C11orf65: variants seen among roughly 807,000 people sequenced by gnomAD.
C11orf65 encodes the protein protein MFI.
A neutral mutation model predicts 35.3 loss-of-function variants in C11orf65; 38 were observed. The ratio of observed to expected loss-of-function variants is 1.08; its 90% CI spans 0.83 to 1.41. The LOEUF is 1.41. Ranked by LOEUF, C11orf65 falls within the 40% of genes most tolerant of loss-of-function variation. The probability of loss-of-function intolerance (pLI) is 0.00; values close to 1 mark genes in which losing one functional copy is unlikely to be tolerated. For synonymous variants in C11orf65, 105 were observed against 114.4 expected (o/e 0.92, Z 0.53); for missense variants, 370 against 367.1 (o/e 1.01, Z -0.06).
chr11:108,431,177 CA>C (rs894137819), intron 3 of C11orf65, among the ~76,000 whole-genome samples: 24 of 141,700 alleles, frequency 1.7e-4, no homozygotes, highest in Middle Eastern at 3.6e-3. Flanking sequence ...GTAGTATAAA[CA>C]AAAAAAAAAT....
intron 2 of C11orf65, among the ~76,000 whole-genome samples, chr11:108,363,059 T>A (rs1168162894): frequency 6.6e-6 from 1 of 152,238 alleles, no homozygotes; most frequent in African/African-American, 2.4e-5. Context: ...TCCGTAAATC[T>A]GTCCGAATTT....
intron 6 of C11orf65, among the ~76,000 whole-genome samples, chr11:108,400,066 T>A (rs935885676): frequency 6.6e-6 from 1 of 152,196 alleles, no homozygotes; most frequent in Non-Finnish European, 1.5e-5. Context: ...GACCACATTG[T>A]GGATCTGCTA....
intron 2 of C11orf65, among the ~76,000 whole-genome samples, chr11:108,358,554 G>A (rs1160553412): frequency 1.6e-5 from 2 of 127,358 alleles, no homozygotes; most frequent in Non-Finnish European, 3.4e-5. Context: ...AGAAAGGTCG[G>A]GTTACCCTCA....
rs185407071 is a variant in C11orf65 at position 108,386,011 on chromosome 11, C to T, written c.732-36G>A. The T allele has an allele frequency of 1.1e-4, 178 of 1,552,138 alleles. 1 individual carries two copies. In the African/African-American group the frequency reaches 1.4e-3, roughly 12 times the overall value. ...TATATGAGGATTCATTAAATTTAATCGATTCATTAGTACATACTTAGACTA... is the reference window on the plus strand; with the variant it reads ...TATATGAGGATTCATTAAATTTAATTGATTCATTAGTACATACTTAGACTA... On this transcript the variant is annotated intron_variant, in intron 7 of 8. Coordinates refer to ENST00000393084, the MANE Select transcript of C11orf65 (RefSeq NM_152587.5).
chr11:108,319,754 C>A (rs1314387434), intron 6 of C11orf65, among the ~76,000 whole-genome samples: 1 of 151,372 alleles, frequency 6.6e-6, no homozygotes, highest in African/African-American at 2.5e-5. Context: ...GGCAGAGTAT[C>A]TGAGTAATTT....
At chr11:108,361,034 ATATC>A (rs1254886469) in intron 2 of C11orf65, among the ~76,000 whole-genome samples, 2 of 123,090 alleles carry the variant, frequency 1.6e-5, no homozygotes, top group Non-Finnish European at 3.3e-5. Context: ...ACATGATTGT[ATATC>A]TAGAAAACCC....
intron 7 of C11orf65, 126 bp downstream of exon 7, chr11:108,393,082 G>T: frequency 2.0e-6 from 2 of 1,003,870 alleles, no homozygotes; most frequent in Non-Finnish European, 2.9e-6. Flanking sequence ...ACAAATAATA[G>T]ATACTCGGGT....
chr11:108,329,054 A>G (rs2085977071), downstream of C11orf65: 1 of 1,614,136 alleles, frequency 6.2e-7, no homozygotes, highest in East Asian at 2.2e-5. Context: ...TGATGGAGAA[A>G]GTAGTGATGA....
At chr11:108,342,949 A>C (rs1363305332) in intron 2 of C11orf65, among the ~76,000 whole-genome samples, 1 of 152,210 alleles carries the variant, frequency 6.6e-6, no homozygotes, top group Non-Finnish European at 1.5e-5. Flanking sequence ...GATGACGGTG[A>C]GTATAGTTAA....
At chr11:108,336,450 CA>C (rs1444289698) in intron 2 of C11orf65, 1 of 154,954 alleles carries the variant, frequency 6.5e-6, no homozygotes, top group East Asian at 1.9e-4. Context: ...TTCTTATAGT[CA>C]ACTGAAGTAT....
At chr11:108,451,767 T>C (rs954580761) in intron 2 of C11orf65, among the ~76,000 whole-genome samples, 2 of 152,188 alleles carry the variant, frequency 1.3e-5, no homozygotes, top group African/African-American at 4.8e-5. Context: ...ACTACAAGGC[T>C]ACAGTAACCA....
intron 3 of C11orf65, among the ~76,000 whole-genome samples, chr11:108,419,205 T>A (rs764644768): frequency 1.3e-5 from 2 of 152,186 alleles, no homozygotes; most frequent in African/African-American, 2.4e-5. Flanking sequence ...GGAACACAGG[T>A]GCAAATATTT....
At chr11:108,439,044 C>T (rs1011633356) in intron 2 of C11orf65, among the ~76,000 whole-genome samples, 2 of 151,916 alleles carry the variant, frequency 1.3e-5, no homozygotes, top group African/African-American at 2.4e-5. Flanking sequence ...TCAAAGGACA[C>T]TAACAAGAGA....
At chr11:108,337,603 A>C (rs554010317) in intron 2 of C11orf65, among the ~76,000 whole-genome samples, 1 of 152,352 alleles carries the variant, frequency 6.6e-6, no homozygotes, top group South Asian at 2.1e-4. Flanking sequence ...GTCCAGGGAC[A>C]ACACTTTGAG....
At chr11:108,398,567 G>A (rs1305457103) in intron 6 of C11orf65, among the ~76,000 whole-genome samples, 1 of 152,228 alleles carries the variant, frequency 6.6e-6, no homozygotes, top group Non-Finnish European at 1.5e-5. Flanking sequence ...AATAAACACA[G>A]GAAAGAAGAA....
chr11:108,402,026 AT>A (rs1329945814), intron 6 of C11orf65, among the ~76,000 whole-genome samples: 2 of 152,176 alleles, frequency 1.3e-5, no homozygotes, highest in African/African-American at 4.8e-5. Context: ...ATTCCTGGCA[AT>A]GTAGATTAGT....
At chr11:108,330,541 C>T, downstream of C11orf65, 1 of 964,498 alleles carries the variant, frequency 1.0e-6, no homozygotes, top group Admixed American at 1.8e-5. Context: ...GTGCTCTACA[C>T]ATAAGTAGCA....
intron 2 of C11orf65, among the ~76,000 whole-genome samples, chr11:108,458,279 G>A (rs917545718): frequency 2.1e-5 from 3 of 144,864 alleles, no homozygotes; most frequent in South Asian, 2.1e-4. Context: ...GCTGAGGCAC[G>A]AGAATCACTT....
intron 2 of C11orf65, among the ~76,000 whole-genome samples, chr11:108,435,595 C>T (rs937927171): frequency 3.3e-5 from 5 of 152,100 alleles, no homozygotes; most frequent in Admixed American, 1.3e-4. Context: ...GAACCACAAC[C>T]AGCTGAAGTG....
Sources: gnomAD v4.1 joint callset for allele counts (sites outside exome capture counted in the v4.1 genomes callset) on GRCh38, gnomAD v4.1.1 for gene constraint, MANE v1.5 for transcripts, NCBI Gene and HGNC (gene_info 2026-07-23, HGNC 2026-07-21) for gene names.